Variants in CCDC171 observed in about 807,000 individuals in gnomAD.
CCDC171 encodes the protein coiled-coil domain-containing protein 171.
Under a neutral mutation model 168.2 loss-of-function variants are expected in CCDC171, and 177 were observed. The observed-to-expected ratio is 1.05, with a 90% CI of 0.93 to 1.19. CCDC171 has a LOEUF of 1.19. Ranked by LOEUF, CCDC171 falls within the 50% of genes most tolerant of loss-of-function variation. The pLI, the probability that CCDC171 is intolerant of heterozygous loss-of-function variation, is 0.00. For synonymous variants in CCDC171, 687 were observed against 540.8 expected (o/e 1.27, Z -3.75); for missense variants, 1,991 against 1,539.0 (o/e 1.29, Z -4.91).
At chr9:15,880,460 TCTC>T (rs1313808838) in intron 24 of CCDC171, among the ~76,000 whole-genome samples, 4 of 62,440 alleles carry the variant, frequency 6.4e-5, no homozygotes, top group Admixed American at 2.1e-4. Flanking sequence ...TCTCTCTCTC[TCTC>T]TTTTTTTTTT....
chr9:15,753,598 A>G (rs1485414321), intron 18 of CCDC171, among the ~76,000 whole-genome samples: 1 of 152,068 alleles, frequency 6.6e-6, no homozygotes, highest in Non-Finnish European at 1.5e-5. Context: ...CCTGATAAAG[A>G]TATGCATAGG....
intron 4 of CCDC171, among the ~76,000 whole-genome samples, chr9:15,581,560 A>G (rs1261477699): frequency 6.6e-6 from 1 of 152,234 alleles, no homozygotes; most frequent in Non-Finnish European, 1.5e-5. Flanking sequence ...CCAAAACAAC[A>G]TGGTACTGAT....
At chr9:15,673,926 C>G (rs1212472309) in intron 9 of CCDC171, among the ~76,000 whole-genome samples, 2 of 152,132 alleles carry the variant, frequency 1.3e-5, no homozygotes, top group Admixed American at 1.3e-4. Flanking sequence ...ATGAATGGTA[C>G]CAGCTCCTCT....
intron 18 of CCDC171, 140 bp from the exon 19 acceptor site, chr9:15,777,460 G>A (rs975982133): frequency 1.7e-5 from 9 of 538,192 alleles, no homozygotes; most frequent in Admixed American, 3.6e-5. Context: ...AATAATGTGG[G>A]AAGGACCTTT....
chr9:16,054,730 G>A (rs1833806755), intron 1 of CCDC171, among the ~76,000 whole-genome samples: 2 of 152,218 alleles, frequency 1.3e-5, no homozygotes, highest in African/African-American at 2.4e-5. Context: ...CTTGCAGCTT[G>A]GGTCTTGAAA....
At chr9:15,803,044 A>G (rs528473871) in intron 21 of CCDC171, among the ~76,000 whole-genome samples, 3 of 152,276 alleles carry the variant, frequency 2.0e-5, no homozygotes, top group Non-Finnish European at 2.9e-5. Context: ...TGTTTGCCAC[A>G]TGAATGTTTT....
intron 25 of CCDC171, among the ~76,000 whole-genome samples, chr9:15,946,468 G>A (rs1828399188): frequency 6.6e-6 from 1 of 151,946 alleles, no homozygotes; most frequent in African/African-American, 2.4e-5. Flanking sequence ...TACAAGGGAC[G>A]TGAAGGACCT....
At chr9:15,599,426 A>G (rs1227477942) in intron 6 of CCDC171, among the ~76,000 whole-genome samples, 1 of 152,130 alleles carries the variant, frequency 6.6e-6, no homozygotes, top group Non-Finnish European at 1.5e-5. Flanking sequence ...TTGGCTGGAT[A>G]TGAAATTCTG....
chr9:15,904,203 C>A (rs1822156952), intron 24 of CCDC171, among the ~76,000 whole-genome samples: 1 of 152,062 alleles, frequency 6.6e-6, no homozygotes, highest in East Asian at 1.9e-4. Context: ...TCGAGAAGAG[C>A]AACTCCAAGA....
In CCDC171 at chr9:15,846,715, C is replaced by T. The variant is rs747113724; in HGVS notation, c.3281C>T (p.Ala1094Val). ...LGEAVKSLSE[A>V]KMELRRKDQS... ...GTCTGCTTGCAGAGTCTCTCCGAGG[C>T]AAAGATGGAGCTGAGAAGAAAAGAT... Residue 1094 changes from alanine (A) to valine (V), a missense_variant, in exon 22 of 26, where the codon GCA becomes GTA. Transcript: ENST00000380701. 7.4e-6 allele frequency: 12 copies of T among 1,612,766 alleles called. No individual in the cohort carries two copies. In the Admixed American group the frequency reaches 1.3e-4, roughly 18 times the overall value.
intron 16 of CCDC171, among the ~76,000 whole-genome samples, chr9:15,741,848 C>G (rs979304704): frequency 5.4e-4 from 82 of 152,058 alleles, no homozygotes; most frequent in African/African-American, 2.0e-3. Flanking sequence ...TTGCATTGCT[C>G]CGGAACTTGG....
chr9:16,000,890 CAG>C (rs1050506814), intron 3 of CCDC171, among the ~76,000 whole-genome samples: 3 of 152,116 alleles, frequency 2.0e-5, no homozygotes, highest in Non-Finnish European at 4.4e-5. Flanking sequence ...CTGGATCTCG[CAG>C]AGTTACAGCC....
chr9:15,975,639 G>A (rs768178604), downstream of CCDC171, among the ~76,000 whole-genome samples: 2 of 152,140 alleles, frequency 1.3e-5, no homozygotes, highest in African/African-American at 2.4e-5. Context: ...GGTACTGATG[G>A]TGAGTCAGCT....
At chr9:16,026,327 C>G (rs1478784000) in intron 6 of CCDC171, among the ~76,000 whole-genome samples, 1 of 152,148 alleles carries the variant, frequency 6.6e-6, no homozygotes, top group South Asian at 2.1e-4. Flanking sequence ...CTCATTTGAT[C>G]ACCTCTAATA....
chr9:15,637,918 C>T (rs956285528), intron 7 of CCDC171, among the ~76,000 whole-genome samples: 17 of 151,952 alleles, frequency 1.1e-4, no homozygotes, highest in African/African-American at 2.2e-4. Context: ...TGAATAGTGC[C>T]GCAATAAACA....
intron 3 of CCDC171, among the ~76,000 whole-genome samples, chr9:15,990,691 C>T (rs1832162998): frequency 6.6e-6 from 1 of 152,276 alleles, no homozygotes; most frequent in Non-Finnish European, 1.5e-5. Flanking sequence ...ATCTTACATG[C>T]AGAGCCACAC....
chr9:15,712,804 C>CCTTGGTGAATGGAAGTTCATATTG (rs1433329134), intron 11 of CCDC171, among the ~76,000 whole-genome samples: 6 of 152,142 alleles, frequency 3.9e-5, no homozygotes, highest in Non-Finnish European at 5.9e-5. Context: ...ACCCAATCAG[C>CCTTGGTGAATGGAAGTTCATATTG]CTTGGTGAAT....
chr9:15,825,245 A>G (rs2059964072), intron 21 of CCDC171, among the ~76,000 whole-genome samples: 1 of 152,146 alleles, frequency 6.6e-6, no homozygotes, highest in Non-Finnish European at 1.5e-5. Flanking sequence ...CACATGATTG[A>G]TAACTAAAAA....
chr9:15,967,067 G>C (rs1345530787), intron 25 of CCDC171, among the ~76,000 whole-genome samples: 1 of 152,198 alleles, frequency 6.6e-6, no homozygotes, highest in Non-Finnish European at 1.5e-5. Flanking sequence ...CTGGCTGTCT[G>C]TATAAACTAC....
Sources: gnomAD v4.1 joint callset for allele counts (sites outside exome capture counted in the v4.1 genomes callset) on GRCh38, gnomAD v4.1.1 for gene constraint, MANE v1.5 for transcripts, NCBI Gene and HGNC (gene_info 2026-07-23, HGNC 2026-07-21) for gene names.